Variants in HDLBP observed in about 807,000 individuals in gnomAD.
HDLBP encodes the protein vigilin.
Under a neutral mutation model 137.3 loss-of-function variants are expected in HDLBP, and 30 were observed. The observed-to-expected ratio is 0.22, with a 90% confidence interval of 0.16 to 0.30. HDLBP has a LOEUF of 0.30. HDLBP is among the 10% of genes least tolerant of loss of function. HDLBP has a pLI of 1.00. For synonymous variants in HDLBP, 606 were observed against 596.0 expected, an observed-to-expected ratio of 1.02 and a Z score of -0.24; for missense variants, 1,119 against 1,667.3, an observed-to-expected ratio of 0.67 and a Z score of 5.73.
In HDLBP at chr2:241,235,101, C is replaced by G; in HGVS notation, c.3144+20G>C. The G allele has an allele frequency of 6.2e-7, 1 of 1,609,860 alleles. No homozygotes were observed. The highest frequency in any genetic ancestry group is 1.3e-5 in the African/African-American group (1 of 74,970). On this transcript the variant is annotated intron_variant, in intron 23 of 27. Coordinates refer to ENST00000310931, the MANE Select transcript of HDLBP (RefSeq NM_005336.6). ...TGAGCACCATGGCTCTGGGCAGTGC[C>G]CCGGCCACCTCCTGCTCACCCGGTC... is the stretch of plus-strand genomic sequence containing the variant.
At chr2:241,308,472 A>G in intron 1 of HDLBP, among the ~76,000 whole-genome samples, 1 of 152,264 alleles carries the variant, frequency 6.6e-6, no homozygotes, top group East Asian at 1.9e-4. Context: ...GTCACACAGT[A>G]GACAACGTAA....
rs750917763 is a variant in HDLBP, at chr2:241,230,944, G to A, written c.3289C>T (p.Pro1097Ser). 4 of 1,611,664 alleles carry A rather than the reference G, an allele frequency of 2.5e-6. No individual in the cohort carries two copies. The South Asian group carries it at 4.4e-5, about 18-fold the overall frequency. Residue 1097 changes from proline to serine, a missense_variant and splice_region_variant, in exon 25 of 28, where the codon CCC becomes TCC. By Grantham distance (74) the Pro-to-Ser change is moderately conservative. This residue lies in a region of HDLBP where 618 missense variants were observed against 816.7 expected (regional missense o/e 0.76). Transcript: ENST00000310931. The surrounding 1 kb of genome is among the most constrained non-coding windows in gnomAD (Gnocchi z 5.0). ...QFPDKDDGNQ[P>S]QDQITITGYE... Reference sequence around the variant, plus strand: ...CCTGTGATGGTAATTTGGTCCTGGGGCTAAAAAAGGAGAATGTAGTCAGAA... The same window carrying A: ...CCTGTGATGGTAATTTGGTCCTGGGACTAAAAAAGGAGAATGTAGTCAGAA...
At chr2:241,274,419 T>G (rs1490295811) in intron 1 of HDLBP, among the ~76,000 whole-genome samples, 3 of 152,242 alleles carry the variant, frequency 2.0e-5, no homozygotes, top group Non-Finnish European at 2.9e-5. Context: ...TCTGTGTCAC[T>G]GCTGTGGTTT....
chr2:241,247,196 C>T (rs2071749411), intron 14 of HDLBP, 54 bp from the exon 15 acceptor site: 1 of 1,132,634 alleles, frequency 8.8e-7, no homozygotes, highest in Non-Finnish European at 1.3e-6. Flanking sequence ...GAGTAAAATA[C>T]AGTATCCCTT....
chr2:241,250,462 T>C (rs1377443091), intron 11 of HDLBP: 1 of 154,692 alleles, frequency 6.5e-6, no homozygotes, highest in Non-Finnish European at 1.4e-5. Flanking sequence ...CCCCATCTAC[T>C]GTTGGCTCAG....
intron 1 of HDLBP, among the ~76,000 whole-genome samples, chr2:241,312,272 G>A (rs896680557): frequency 3.9e-5 from 6 of 152,180 alleles, no homozygotes; most frequent in East Asian, 1.9e-4. Context: ...GTCCAGACAC[G>A]TCTCAGAACA....
At chr2:241,241,617 G>T (rs2071245250) in intron 17 of HDLBP, among the ~76,000 whole-genome samples, 2 of 132,728 alleles carry the variant, frequency 1.5e-5, no homozygotes, top group African/African-American at 3.0e-5. Flanking sequence ...ACAAAACAGT[G>T]ACTGGCGCTA....
intron 1 of HDLBP, among the ~76,000 whole-genome samples, chr2:241,279,173 A>C (rs1485090738): frequency 6.6e-6 from 1 of 152,238 alleles, no homozygotes; most frequent in Non-Finnish European, 1.5e-5. Context: ...TTAATCATGG[A>C]TAGTAATTCT....
In HDLBP at chr2:241,307,454, TA is replaced by T. The variant is rs1382465521; in HGVS notation, c.-103+8115del. ...ATGGGATGGGTAGGGGCTACACGAA[TA>T]ATGGTTTAATTAACATTGACAGTAT... On this transcript the variant is annotated intron_variant, in intron 1 of 27. Coordinates refer to ENST00000310931, the MANE Select transcript of HDLBP (RefSeq NM_005336.6). Among the ~76,000 whole-genome samples the T allele has an allele frequency of 2.6e-5, 4 of 152,166 alleles. No homozygotes were observed. In the East Asian group the frequency reaches 7.7e-4, roughly 29 times the overall value.
intron 1 of HDLBP, among the ~76,000 whole-genome samples, chr2:241,276,897 G>A (rs1238453940): frequency 1.3e-5 from 2 of 151,500 alleles, no homozygotes; most frequent in South Asian, 2.1e-4. Flanking sequence ...AATGTATAGA[G>A]GATGCAAACA....
At chr2:241,259,356 C>T (rs2072976222) in intron 5 of HDLBP, among the ~76,000 whole-genome samples, 1 of 152,086 alleles carries the variant, frequency 6.6e-6, no homozygotes, top group African/African-American at 2.4e-5. Flanking sequence ...TCTGAAAGTA[C>T]TTTATTATAT....
intron 10 of HDLBP, 49 bp from the exon 11 acceptor site, chr2:241,253,084 A>G (rs763181818): frequency 5.6e-6 from 8 of 1,420,428 alleles, no homozygotes; most frequent in African/African-American, 2.8e-5. Context: ...TACTTGGCCA[A>G]TGAGCTGAAC....
rs921171536 is a variant in HDLBP, at chr2:241,238,473, C to T, written c.2749+176G>A. ...ACCTGGTCACTCTGTCAGTAACTGACGTGGTCCATCTTTTAAAGGCCAGGG... is the reference window on the plus strand; with the variant it reads ...ACCTGGTCACTCTGTCAGTAACTGATGTGGTCCATCTTTTAAAGGCCAGGG... On this transcript the variant is annotated intron_variant, in intron 20 of 27. Transcript: ENST00000310931. The surrounding 1 kb of genome is among the most constrained non-coding windows in gnomAD (Gnocchi z 4.9). 4 of 481,300 alleles carry T rather than the reference C, an allele frequency of 8.3e-6. No individual in the cohort carries two copies. The highest frequency in any genetic ancestry group is 2.0e-5 in the African/African-American group (1 of 51,162). The allele number at this position is 481,300 out of a possible 1,614,324, so 29.8% of individuals were successfully genotyped here.
chr2:241,245,791 CCTCAT>C (rs1483602216), intron 16 of HDLBP, among the ~76,000 whole-genome samples: 1 of 152,014 alleles, frequency 6.6e-6, no homozygotes, highest in Non-Finnish European at 1.5e-5. Flanking sequence ...GACAGCAAGA[CCTCAT>C]CTCCAAAAAA....
At chr2:241,281,403 C>T (rs991233412) in intron 1 of HDLBP, among the ~76,000 whole-genome samples, 21 of 152,226 alleles carry the variant, frequency 1.4e-4, no homozygotes, top group African/African-American at 5.1e-4. Context: ...TGCCTGTAAT[C>T]CCAGCTACTC....
intron 9 of HDLBP, 133 bp downstream of exon 9, chr2:241,254,918 A>G (rs74883155): frequency 1.4e-6 from 1 of 717,564 alleles, no homozygotes; most frequent in Non-Finnish European, 2.5e-6. Context: ...CATGTCAAAC[A>G]GGCCAGTTAA....
chr2:241,242,840 C>A, intron 16 of HDLBP, 162 bp from the exon 17 acceptor site: 1 of 663,670 alleles, frequency 1.5e-6, no homozygotes, highest in Non-Finnish European at 2.7e-6. Flanking sequence ...CCATTTTTGA[C>A]CTGCACGGGG....
At chr2:241,237,333 G>A (rs1387387078) in intron 20 of HDLBP, among the ~76,000 whole-genome samples, 1 of 152,212 alleles carries the variant, frequency 6.6e-6, no homozygotes, top group Non-Finnish European at 1.5e-5. Context: ...GTGTGAACAG[G>A]ACACAGAAGA....
chr2:241,270,053 C>G (rs2149565615), intron 1 of HDLBP, among the ~76,000 whole-genome samples: 1 of 152,316 alleles, frequency 6.6e-6, no homozygotes, highest in Non-Finnish European at 1.5e-5. Flanking sequence ...CTGCAAAATG[C>G]AGTTCCGTCC....
Sources: allele counts gnomAD v4.1 joint callset (sites outside exome capture counted in the v4.1 genomes callset), GRCh38; gene constraint gnomAD v4.1.1; regional missense constraint gnomAD v4.1.1; non-coding constraint Gnocchi (gnomAD v3.1); transcripts MANE v1.5; gene names NCBI Gene and HGNC (gene_info 2026-07-23, HGNC 2026-07-21).